The following IRF9 variants were observed in gnomAD, a reference collection of about 807,000 sequenced individuals.
IRF9 encodes the protein interferon regulatory factor 9, also known as IFN-alpha-responsive transcription factor subunit.
In IRF9, 13 loss-of-function variants were observed where a neutral mutation model predicts 44.1. The ratio of observed to expected loss-of-function variants is 0.29; its 90% CI spans 0.19 to 0.47. IRF9 has a LOEUF of 0.47. Among genes scored for constraint, IRF9 ranks in the 20% least tolerant of loss-of-function variants. The probability of loss-of-function intolerance (pLI) is 1.00; values close to 1 mark genes in which losing one functional copy is unlikely to be tolerated. For missense variants in IRF9, 373 were observed against 496.1 expected, an observed-to-expected ratio of 0.75 and a Z score of 2.36; for synonymous variants, 189 against 188.5, an observed-to-expected ratio of 1.00 and a Z score of -0.02.
rs2038498210 is a variant in IRF9, at chr14:24,164,494, A to C, written c.650-120A>C. 1 of 992,172 alleles carries C rather than the reference A, an allele frequency of 1.0e-6. No individual in the cohort carries two copies. Among genetic ancestry groups the C allele is most frequent in the Non-Finnish European group, 1.5e-6 (1 of 665,438 alleles). 61.5% of individuals were successfully genotyped at this position (992,172 alleles called of 1,614,324 possible). A position where few individuals can be genotyped will look rare whatever the true frequency, so the allele number is the denominator to read the frequency against. Reference sequence around the variant, plus strand: ...CTAGCTACTTGCCTCAGTGATAGGAAAACCTGAGAGGAAGCCCCCTGGCTG... The same window carrying C: ...CTAGCTACTTGCCTCAGTGATAGGACAACCTGAGAGGAAGCCCCCTGGCTG... On this transcript the variant is annotated intron_variant, in intron 6 of 8. Transcript: ENST00000396864. The surrounding 1 kb of genome is among the most constrained non-coding windows in gnomAD (Gnocchi z 5.2).
In IRF9 at chr14:24,162,184, A is replaced by T. The variant is rs1032420132; in HGVS notation, c.40A>T (p.Asn14Tyr). 9.3e-6 allele frequency: 15 copies of T among 1,614,120 alleles called. No individual in the cohort carries two copies. Among genetic ancestry groups the T allele is most frequent in the Non-Finnish European group, 1.3e-5 (15 of 1,180,032 alleles). ...GRARCTRKLR[N>Y]WVVEQVESGQ... ...GGCACGCTGCACCCGAAAACTCCGG[A>T]ACTGGGTGGTGGAGCAAGTGGAGAG... Residue 14 changes from asparagine (N) to tyrosine (Y), a missense_variant, in exon 2 of 9, where the codon AAC (asparagine) becomes TAC (tyrosine). Around this residue, in one of 2 missense-constraint regions of IRF9, gnomAD observed 227 missense variants for 255.3 expected, o/e 0.89. Transcript: ENST00000396864.
rs778464495 is a variant in IRF9, at chr14:24,164,811, A to G, written c.847A>G (p.Ser283Gly). Residue 283 changes from serine (S) to glycine (G), a missense_variant, in exon 7 of 9, where the codon AGC (serine) becomes GGC (glycine). By Grantham distance (56) the Ser-to-Gly change is moderately conservative. Coordinates refer to ENST00000396864, the MANE Select transcript of IRF9 (RefSeq NM_006084.5). The surrounding 1 kb of genome is among the most constrained non-coding windows in gnomAD (Gnocchi z 5.2). Reference sequence around the variant, plus strand: ...GCTTGAGAGGGGCATCCTAGTGGCCAGCAACCCCCGAGGCCTCTTCGTGCA... The same window carrying G: ...GCTTGAGAGGGGCATCCTAGTGGCCGGCAACCCCCGAGGCCTCTTCGTGCA... ...SQLERGILVA[S>G]NPRGLFVQRL... is the part of the protein sequence containing the mutation. The G allele has an allele frequency of 2.5e-6, 4 of 1,609,738 alleles. No homozygotes were observed. Among genetic ancestry groups the G allele is most frequent in the Non-Finnish European group, 3.4e-6 (4 of 1,179,926 alleles).
chr14:24,166,009 C>T (rs769007124), intron 8 of IRF9, 47 bp downstream of exon 8: 1 of 1,583,718 alleles, frequency 6.3e-7, no homozygotes, highest in South Asian at 1.1e-5. Context: ...AGAGCAGAGA[C>T]AGTGGTGCTC....
At position 24,164,072 on chromosome 14, in the gene IRF9, C is replaced by T; in HGVS notation, c.587C>T (p.Thr196Ile). Residue 196 changes from threonine (T) to isoleucine (I), a missense_variant, in exon 6 of 9, where the codon ACA (threonine) becomes ATA (isoleucine). This residue lies in a region of IRF9 where 227 missense variants were observed against 255.3 expected (regional missense o/e 0.89). Coordinates refer to ENST00000396864, the MANE Select transcript of IRF9 (RefSeq NM_006084.5). This position sits in a 1 kb window ranked among gnomAD's most constrained non-coding sequence, Gnocchi z 5.2. The stretch of plus-strand genomic sequence containing the variant: ...TTTGCTTCCCTTCCAGTTACAGACA[C>T]AACTGAGGCCCCCTTTCAAGGGGAT... ...SSPEPQEVTDTTEAPFQGDQR... is the reference protein window; with the variant it reads ...SSPEPQEVTDITEAPFQGDQR... 2 of 1,614,160 alleles carry T rather than the reference C, an allele frequency of 1.2e-6. No individual in the cohort carries two copies. Among genetic ancestry groups the T allele is most frequent in the Non-Finnish European group, 1.7e-6 (2 of 1,180,012 alleles).
At chr14:24,163,175 G>T (rs1190113665) in intron 3 of IRF9, 26 bp downstream of exon 3, 1 of 1,610,396 alleles carries the variant, frequency 6.2e-7, no homozygotes, top group South Asian at 1.1e-5. Flanking sequence ...TCCAACCACT[G>T]CTAGACTCAG....
chr14:24,165,518 G>C (rs1483940470), intron 7 of IRF9: 1 of 526,808 alleles, frequency 1.9e-6, no homozygotes, highest in Non-Finnish European at 3.4e-6. Flanking sequence ...CTAGCACTGG[G>C]AGGATGTGAG....
chr14:24,164,025 C>G lies in IRF9; in HGVS notation c.578-38C>G, dbSNP rs962745640. On this transcript the variant is annotated intron_variant, in intron 5 of 8. Coordinates refer to ENST00000396864, the MANE Select transcript of IRF9 (RefSeq NM_006084.5). The surrounding 1 kb of genome is among the most constrained non-coding windows in gnomAD (Gnocchi z 5.2). ...ACCCTCTGGCCCAAGACTCCCCAGT[C>G]CCACTCTGAATGACCAGTGCCTTTG... The G allele has an allele frequency of 1.1e-5, 18 of 1,613,156 alleles. No homozygotes were observed. The highest frequency in any genetic ancestry group is 1.5e-5 in the Non-Finnish European group (18 of 1,179,216).
Position 24,164,524 on chromosome 14 carries a change from G to C in IRF9, c.650-90G>C. On this transcript the variant is annotated intron_variant, in intron 6 of 8. Transcript: ENST00000396864. This position sits in a 1 kb window ranked among gnomAD's most constrained non-coding sequence, Gnocchi z 5.2. The stretch of plus-strand genomic sequence containing the variant: ...TGAGAGGAAGCCCCCTGGCTGGTGT[G>C]GGGAGGGGAGGTGGAGTTGTTCCCC... 1 of 1,257,894 alleles carries C rather than the reference G, an allele frequency of 7.9e-7. No individual in the cohort carries two copies. The highest frequency in any genetic ancestry group is 1.1e-6 in the Non-Finnish European group (1 of 899,602). 77.9% of individuals were successfully genotyped at this position (1,257,894 alleles called of 1,614,324 possible).
intron 2 of IRF9, 80 bp downstream of exon 2, chr14:24,162,404 C>T (rs752191325): frequency 1.0e-5 from 14 of 1,384,780 alleles, no homozygotes; most frequent in East Asian, 9.4e-5. Context: ...CGAGCACTTG[C>T]GTCTGCCTGG....
At chr14:24,163,173 C>T (rs756536731) in intron 3 of IRF9, 24 bp downstream of exon 3, 1 of 1,611,180 alleles carries the variant, frequency 6.2e-7, no homozygotes. Context: ...TGTCCAACCA[C>T]TGCTAGACTC....
intron 4 of IRF9, 33 bp from the exon 5 acceptor site, chr14:24,163,843 AAG>A (rs1395103499): frequency 3.2e-6 from 5 of 1,575,810 alleles, no homozygotes; most frequent in Middle Eastern, 1.8e-4. Flanking sequence ...GTCTCAAAAA[AAG>A]AGAAAAAAAA....
chr14:24,163,981 G>T (rs766556162), intron 5 of IRF9, 22 bp downstream of exon 5: 9 of 1,609,530 alleles, frequency 5.6e-6, no homozygotes, highest in African/African-American at 1.3e-5. Flanking sequence ...CCTGCCTCTT[G>T]TGTCGTCCCC....
Position 24,162,314 on chromosome 14 carries a change from C to A in IRF9, c.170C>A (p.Ala57Asp), listed in dbSNP as rs1455207730. 6.2e-7 allele frequency: 1 copy of A among 1,613,560 alleles called. No homozygotes were observed. Among genetic ancestry groups the A allele is most frequent in the Non-Finnish European group, 8.5e-7 (1 of 1,179,664 alleles). Residue 57 changes from alanine to aspartate, a missense_variant, in exon 2 of 9, where the codon GCC (alanine) becomes GAC (aspartate). By Grantham distance (126) the Ala-to-Asp change is moderately radical (BLOSUM62 -2). Around this residue, in one of 2 missense-constraint regions of IRF9, gnomAD observed 227 missense variants for 255.3 expected, o/e 0.89. Coordinates refer to ENST00000396864, the MANE Select transcript of IRF9 (RefSeq NM_006084.5). ...GACTTCCGGGAGGACCAGGATGCTG[C>A]CTTCTTCAAGGTGAAAGGGCCTGGA... The part of the protein sequence containing the change: ...KQDFREDQDA[A>D]FFKAWAIFKG...
At chr14:24,161,712 G>C (rs1594388111) in intron 1 of IRF9, among the ~76,000 whole-genome samples, 1 of 152,320 alleles carries the variant, frequency 6.6e-6, no homozygotes, top group East Asian at 1.9e-4. Context: ...GCTAGGTTGT[G>C]TAGGCTGTGG....
At position 24,163,874 on chromosome 14, in the gene IRF9, G is replaced by A. The variant is rs780276665; in HGVS notation, c.496-4G>A. The A allele has an allele frequency of 6.0e-5, 95 of 1,588,880 alleles. No individual in the cohort carries two copies. In the South Asian group the frequency reaches 8.5e-4, roughly 14 times the overall value. On this transcript the variant is annotated splice_region_variant and splice_polypyrimidine_tract_variant and intron_variant, in intron 4 of 8. Transcript: ENST00000396864. ...AAAAAAATAAAAAGACACTGTGTCC[G>A]CAGGAGGAGGAGGGGGCCAGTGGGG... is the stretch of plus-strand genomic sequence containing the variant.
chr14:24,162,850 A>G lies in IRF9; in HGVS notation c.181-116A>G. The G allele has an allele frequency of 3.8e-6, 3 of 784,046 alleles. No individual in the cohort carries two copies. The South Asian group carries it at 5.4e-5, about 14-fold the overall frequency. The allele number at this position is 784,046 out of a possible 1,614,324, so 48.6% of individuals were successfully genotyped here. A position where few individuals can be genotyped will look rare whatever the true frequency, so the allele number is the denominator to read the frequency against. On this transcript the variant is annotated intron_variant, in intron 2 of 8. Coordinates refer to ENST00000396864, the MANE Select transcript of IRF9 (RefSeq NM_006084.5). Reference sequence around the variant, plus strand: ...ATTTCAAGATGGCAACGCAGAGCACAGACCCTGCATAATCCCTTCTGAGCT... The same window carrying G: ...ATTTCAAGATGGCAACGCAGAGCACGGACCCTGCATAATCCCTTCTGAGCT...
Position 24,166,346 on chromosome 14 carries a change from T to TGACCAGCCA in IRF9, c.*151_*152insACCAGCCAG, listed in dbSNP as rs2038522800. Reference sequence around the variant, plus strand: ...GTGTCCTGAAAATCCTCGCACACACTGGCTGGTGGAGAACTCAAGGCTAAT... The same window carrying TGACCAGCCA: ...GTGTCCTGAAAATCCTCGCACACACTGACCAGCCAGGCTGGTGGAGAACTCAAGGCTAAT... On this transcript the variant is annotated 3_prime_UTR_variant, in exon 9 of 9. Coordinates refer to ENST00000396864, the MANE Select transcript of IRF9 (RefSeq NM_006084.5). The TGACCAGCCA allele has an allele frequency of 1.4e-6, 1 of 692,484 alleles. No individual in the cohort carries two copies. Among genetic ancestry groups the TGACCAGCCA allele is most frequent in the African/African-American group, 1.8e-5 (1 of 55,552 alleles). 42.9% of individuals were successfully genotyped at this position (692,484 alleles called of 1,614,324 possible).
In IRF9 at chr14:24,163,448, A is replaced by G. The variant is rs1566620084; in HGVS notation, c.435A>G (p.Glu145=). 6.2e-7 allele frequency: 1 copy of G among 1,614,184 alleles called. No homozygotes were observed. The highest frequency in any genetic ancestry group is 8.5e-7 in the Non-Finnish European group (1 of 1,180,000). The part of the protein sequence containing the change: ...HSSVSSERKE[E]EDAMQNCTLS... The stretch of plus-strand genomic sequence containing the variant: ...CTGTGTCCTCTGAGAGGAAGGAGGA[A>G]GAGGATGCCATGCAGAACTGCACAC... Residue 145 remains glutamate (E), a synonymous_variant, in exon 4 of 9, where the codon GAA becomes GAG. Transcript: ENST00000396864.
chr14:24,163,194 G>A (rs1486981120), intron 3 of IRF9, 45 bp downstream of exon 3: 1 of 1,602,266 alleles, frequency 6.2e-7, no homozygotes, highest in Non-Finnish European at 8.5e-7. Context: ...AGCAGACTGG[G>A]GAGGAAGGAT....
Sources: allele counts gnomAD v4.1 joint callset (sites outside exome capture counted in the v4.1 genomes callset), GRCh38; gene constraint gnomAD v4.1.1; regional missense constraint gnomAD v4.1.1; non-coding constraint Gnocchi (gnomAD v3.1); transcripts MANE v1.5; gene names NCBI Gene and HGNC (gene_info 2026-07-23, HGNC 2026-07-21).